The following FBXL13 variants were observed in gnomAD, a reference collection of about 807,000 sequenced individuals.
FBXL13 encodes F-box and leucine rich repeat protein 13, also known as F-box and leucine-rich repeat protein 13.
In FBXL13, 67 loss-of-function variants were observed where a neutral mutation model predicts 83.6. That is an observed-to-expected ratio of 0.80 (90% CI 0.66 to 0.98). The LOEUF is 0.98. FBXL13 is among the 50% of genes least tolerant of loss of function. The probability of loss-of-function intolerance (pLI) is 0.00; values close to 1 mark genes in which losing one functional copy is unlikely to be tolerated. For missense variants in FBXL13, 822 were observed against 866.5 expected (o/e 0.95, Z 0.64); for synonymous variants, 272 against 299.5 (o/e 0.91, Z 0.95).
intron 17 of FBXL13, among the ~76,000 whole-genome samples, chr7:102,842,501 A>G (rs1803127179): frequency 6.6e-6 from 1 of 152,254 alleles, no homozygotes; most frequent in Non-Finnish European, 1.5e-5. Flanking sequence ...AGAATGATTG[A>G]TGAGAATCTT....
chr7:102,876,068 G>C (rs754564028), intron 16 of FBXL13, among the ~76,000 whole-genome samples: 1 of 152,096 alleles, frequency 6.6e-6, no homozygotes, highest in Non-Finnish European at 1.5e-5. Flanking sequence ...TGAGTTTGAG[G>C]GCAAACACAT....
At chr7:102,848,582 A>C (rs1804587225) in intron 17 of FBXL13, among the ~76,000 whole-genome samples, 1 of 148,074 alleles carries the variant, frequency 6.8e-6, no homozygotes, top group Non-Finnish European at 1.5e-5. Context: ...AAAAAAAAAA[A>C]AAAAAAAAAA....
intron 8 of FBXL13, among the ~76,000 whole-genome samples, chr7:102,932,187 A>G (rs558349385): frequency 5.3e-5 from 8 of 152,318 alleles, no homozygotes; most frequent in South Asian, 2.1e-4. Context: ...TTACTTTGGG[A>G]AAAACACTAT....
chr7:103,052,377 C>A (rs1418486199), intron 2 of FBXL13, among the ~76,000 whole-genome samples: 1 of 152,094 alleles, frequency 6.6e-6, no homozygotes, highest in African/African-American at 2.4e-5. Context: ...GTGCATGCCA[C>A]TGTGCCTGGC....
chr7:102,984,238 A>G (rs1828660205), intron 6 of FBXL13, among the ~76,000 whole-genome samples: 1 of 152,320 alleles, frequency 6.6e-6, no homozygotes, highest in Admixed American at 6.5e-5. Flanking sequence ...AACCAATTCT[A>G]AAAACTCATC....
At chr7:102,992,974 A>G (rs1829737490) in intron 6 of FBXL13, among the ~76,000 whole-genome samples, 1 of 152,212 alleles carries the variant, frequency 6.6e-6, no homozygotes. Flanking sequence ...GGGTAGAGCA[A>G]TGTTCCACCA....
intron 8 of FBXL13, among the ~76,000 whole-genome samples, chr7:102,954,848 T>G (rs1354485868): frequency 6.6e-6 from 1 of 152,202 alleles, no homozygotes; most frequent in African/African-American, 2.4e-5. Flanking sequence ...ATAACTATCC[T>G]AAATATATAT....
intron 2 of FBXL13, among the ~76,000 whole-genome samples, chr7:103,042,246 C>T (rs2129492745): frequency 6.6e-6 from 1 of 152,202 alleles, no homozygotes; most frequent in South Asian, 2.1e-4. Context: ...GAATAAAATA[C>T]CTAGGAATCC....
intron 8 of FBXL13, among the ~76,000 whole-genome samples, chr7:102,958,649 A>C (rs190698362): frequency 6.6e-6 from 1 of 152,112 alleles, no homozygotes. Context: ...ATTACTACAA[A>C]CATAATAAAT....
At chr7:102,973,431 G>A in intron 6 of FBXL13, 2 of 714,908 alleles carry the variant, frequency 2.8e-6, no homozygotes, top group South Asian at 2.9e-5. Flanking sequence ...AGTTACATCA[G>A]ACTGGGACAA....
At chr7:102,982,603 G>A (rs1828385687) in intron 6 of FBXL13, among the ~76,000 whole-genome samples, 1 of 152,156 alleles carries the variant, frequency 6.6e-6, no homozygotes, top group Non-Finnish European at 1.5e-5. Context: ...AATTCCAGGA[G>A]CATGGACCCA....
At chr7:102,919,126 G>A (rs946916720) in intron 10 of FBXL13, among the ~76,000 whole-genome samples, 1 of 152,164 alleles carries the variant, frequency 6.6e-6, no homozygotes, top group African/African-American at 2.4e-5. Context: ...CAATGACATT[G>A]TGTTGATAGC....
chr7:102,865,731 A>T (rs1347355869), intron 16 of FBXL13, among the ~76,000 whole-genome samples: 2 of 151,634 alleles, frequency 1.3e-5, no homozygotes, highest in Non-Finnish European at 2.9e-5. Context: ...TTTTTAGTAG[A>T]GACGGGGTTT....
At chr7:103,008,644 GC>G (rs1791244154) in intron 6 of FBXL13, among the ~76,000 whole-genome samples, 7 of 151,956 alleles carry the variant, frequency 4.6e-5, no homozygotes, top group Admixed American at 4.6e-4. Context: ...TGCAATCTCC[GC>G]CTCCAGGGTT....
At chr7:102,910,561 T>C (rs1165026110) in intron 11 of FBXL13, among the ~76,000 whole-genome samples, 2 of 151,974 alleles carry the variant, frequency 1.3e-5, no homozygotes, top group African/African-American at 2.4e-5. Flanking sequence ...CCCTGCTGGA[T>C]GCCACCTTCT....
At chr7:102,976,092 C>G (rs1827400708) in intron 6 of FBXL13, 1 of 766,336 alleles carries the variant, frequency 1.3e-6, no homozygotes, top group African/African-American at 1.7e-5. Context: ...AGGACCACCC[C>G]CATCCCTTCC....
intron 8 of FBXL13, among the ~76,000 whole-genome samples, chr7:102,941,126 C>T (rs1821341436): frequency 6.6e-6 from 1 of 152,170 alleles, no homozygotes; most frequent in Non-Finnish European, 1.5e-5. Context: ...GTATGCTACA[C>T]TTATACCTTA....
At position 102,999,970 on chromosome 7, in the gene FBXL13, G is replaced by A. The variant is rs186430628; in HGVS notation, c.495+25093C>T. On this transcript the variant is annotated intron_variant, in intron 6 of 19. Coordinates refer to ENST00000313221, the Ensembl canonical transcript of FBXL13. ...GTTCTTGATTTTCCAGTTTCTTGAG[G>A]TGGATCATTAGGTTATTTATTTGAA... Among the ~76,000 whole-genome samples the A allele has an allele frequency of 1.3e-5, 2 of 152,034 alleles. 1 individual carries two copies. Among genetic ancestry groups the A allele is most frequent in the Admixed American group, 1.3e-4 (2 of 15,266 alleles).
chr7:102,929,175 T>C (rs1447148126), intron 9 of FBXL13, among the ~76,000 whole-genome samples: 1 of 152,206 alleles, frequency 6.6e-6, no homozygotes, highest in Non-Finnish European at 1.5e-5. Flanking sequence ...TATTTGTGTA[T>C]AATGCCTTCC....
Sources: gnomAD v4.1 joint callset for allele counts (sites outside exome capture counted in the v4.1 genomes callset) on GRCh38, gnomAD v4.1.1 for gene constraint, MANE v1.5 for transcripts, NCBI Gene and HGNC (gene_info 2026-07-23, HGNC 2026-07-21) for gene names.